Variants in ZER1 observed in about 807,000 individuals in gnomAD.
ZER1 encodes the protein zyg-11 related cell cycle regulator.
ZER1 carries 11 observed loss-of-function variants against 78.8 expected under a neutral mutation model. The ratio of observed to expected loss-of-function variants is 0.14; its 90% CI spans 0.09 to 0.23. The LOEUF (loss-of-function observed/expected upper bound fraction) is 0.23, where lower values mean the gene tolerates loss of function less well. Ranked by LOEUF, ZER1 falls within the 10% of genes least tolerant of loss-of-function variation. ZER1 has a pLI of 1.00. For missense variants in ZER1, 588 were observed against 996.9 expected (o/e 0.59, Z 5.52); for synonymous variants, 400 against 407.0 (o/e 0.98, Z 0.21).
chr9:128,755,569 G>T lies in ZER1; in HGVS notation c.-4C>A. 1 of 1,610,122 alleles carries T rather than the reference G, an allele frequency of 6.2e-7. No individual in the cohort carries two copies. Among genetic ancestry groups the T allele is most frequent in the Non-Finnish European group, 8.5e-7 (1 of 1,176,742 alleles). On this transcript the variant is annotated 5_prime_UTR_variant, in exon 2 of 16. Transcript: ENST00000291900. This position sits in a 1 kb window ranked among gnomAD's most constrained non-coding sequence, Gnocchi z 5.6. ...ACTCGGGAGTGTCGGACGCCATGCTGGGGGCAAGCAGGTGGGCCACTCCAG... is the reference window on the plus strand; with the variant it reads ...ACTCGGGAGTGTCGGACGCCATGCTTGGGGCAAGCAGGTGGGCCACTCCAG...
At chr9:128,770,000 C>G (rs1864333723) in intron 1 of ZER1, among the ~76,000 whole-genome samples, 1 of 152,086 alleles carries the variant, frequency 6.6e-6, no homozygotes, top group Non-Finnish European at 1.5e-5. Context: ...ACCCTGTGAC[C>G]CTGTATCACA....
chr9:128,753,120 G>A lies in ZER1; in HGVS notation c.746+44C>T, dbSNP rs1458017929. 1 of 1,481,076 alleles carries A rather than the reference G, an allele frequency of 6.8e-7. No individual in the cohort carries two copies. Among genetic ancestry groups the A allele is most frequent in the South Asian group, 1.3e-5 (1 of 75,308 alleles). The allele number at this position is 1,481,076 out of a possible 1,614,324, so 91.7% of individuals were successfully genotyped here. On this transcript the variant is annotated intron_variant, in intron 4 of 15. Transcript: ENST00000291900. The surrounding 1 kb of genome is among the most constrained non-coding windows in gnomAD (Gnocchi z 7.5). ...CACCCACCTCTACTCCTCCCCACCT[G>A]CCCCCCAAACCCCACCCTGGTGAGC... is the stretch of plus-strand genomic sequence containing the variant.
intron 15 of ZER1, among the ~76,000 whole-genome samples, chr9:128,731,981 C>A (rs1293413724): frequency 1.3e-5 from 2 of 152,238 alleles, no homozygotes; most frequent in Non-Finnish European, 2.9e-5. Context: ...TTGGTTGTCA[C>A]CTTGGACCCC....
rs1260081166 is a variant in ZER1 at position 128,754,871 on chromosome 9, G to T, written c.158+537C>A. Among the ~76,000 whole-genome samples the T allele has an allele frequency of 2.0e-5, 3 of 152,128 alleles. No homozygotes were observed. Among genetic ancestry groups the T allele is most frequent in the Admixed American group, 2.0e-4 (3 of 15,264 alleles). On this transcript the variant is annotated intron_variant, in intron 2 of 15. Transcript: ENST00000291900. This position sits in a 1 kb window ranked among gnomAD's most constrained non-coding sequence, Gnocchi z 4.3. ...ACTCCCAGCATTCAGTGACTGCATA[G>T]CATGCTTCTAGGAGCCCCTAGGAGT...
intron 1 of ZER1, among the ~76,000 whole-genome samples, chr9:128,767,422 T>G (rs1450014165): frequency 6.6e-6 from 1 of 151,902 alleles, no homozygotes; most frequent in Non-Finnish European, 1.5e-5. Flanking sequence ...ATTTTTTTAT[T>G]TTTTGTAGCG....
At chr9:128,736,622 C>T (rs917211819) in intron 13 of ZER1, among the ~76,000 whole-genome samples, 8 of 151,088 alleles carry the variant, frequency 5.3e-5, no homozygotes, top group African/African-American at 1.7e-4. Flanking sequence ...GACCACCCGC[C>T]TTGGCCTCCC....
chr9:128,737,037 G>C (rs1238579669), intron 13 of ZER1, among the ~76,000 whole-genome samples: 1 of 151,986 alleles, frequency 6.6e-6, no homozygotes, highest in Non-Finnish European at 1.5e-5. Flanking sequence ...CCAGCTACTC[G>C]GGAGGCTGAG....
chr9:128,758,693 G>A (rs1031509721), intron 1 of ZER1, among the ~76,000 whole-genome samples: 5 of 151,886 alleles, frequency 3.3e-5, no homozygotes, highest in Non-Finnish European at 5.9e-5. Context: ...GCTTACCCCC[G>A]CCTCCCAAAG....
chr9:128,733,217 C>A, intron 15 of ZER1: 2 of 508,488 alleles, frequency 3.9e-6, no homozygotes, highest in Non-Finnish European at 3.6e-6. Context: ...TGCTCCGTTC[C>A]GAGCTTGGTC....
chr9:128,735,083 C>T (rs543506558), intron 14 of ZER1, among the ~76,000 whole-genome samples: 8 of 152,220 alleles, frequency 5.3e-5, no homozygotes, highest in Non-Finnish European at 8.8e-5. Context: ...CACATGGAAG[C>T]GGGAAGCATT....
In ZER1 at chr9:128,734,144, A is replaced by AATATATAT. The variant is rs1220785593; in HGVS notation, c.2141-624_2141-617dup. ...CTCCGTCTCAAAAAAAAAAAAAAAA[A>AATATATAT]ATATATATATATATATATAAAATCT... On this transcript the variant is annotated intron_variant, in intron 14 of 15. Transcript: ENST00000291900. Among the ~76,000 whole-genome samples the AATATATAT allele has an allele frequency of 8.9e-3, 128 of 14,410 alleles. 3 individuals carry two copies. The highest frequency in any genetic ancestry group is 0.023 in the African/African-American group (125 of 5,326). The allele number at this position is 14,410 out of a possible 152,430, so 9.5% of individuals were successfully genotyped here.
In ZER1 at chr9:128,731,350, T is replaced by C. The variant is rs535788342; in HGVS notation, c.2288A>G (p.Asp763Gly). The change falls in exon 16 of 16, where the codon GAC becomes GGC. Residue 763 changes from aspartate (D) to glycine (G), a missense_variant. By Grantham distance (94) the Asp-to-Gly change is moderately conservative (BLOSUM62 -1). Transcript: ENST00000291900. ...HCSNFKEENM[D>G]TSR ...GGACGGAGGCCTCTATCTAGACGTG[T>C]CCATGTTCTCCTCTTTAAAGTTACT... 23 of 1,562,218 alleles carry C rather than the reference T, an allele frequency of 1.5e-5. No individual in the cohort carries two copies. The South Asian group carries it at 1.9e-4, about 13-fold the overall frequency.
In ZER1 at chr9:128,753,097, C is replaced by G; in HGVS notation, c.746+67G>C. 5.6e-6 allele frequency: 8 copies of G among 1,436,788 alleles called. No homozygotes were observed. The highest frequency in any genetic ancestry group is 7.4e-6 in the Non-Finnish European group (8 of 1,085,162). The allele number at this position is 1,436,788 out of a possible 1,614,324, so 89.0% of individuals were successfully genotyped here. A position where few individuals can be genotyped will look rare whatever the true frequency, so the allele number is the denominator to read the frequency against. On this transcript the variant is annotated intron_variant, in intron 4 of 15. Coordinates refer to ENST00000291900, the MANE Select transcript of ZER1 (RefSeq NM_006336.4). This position sits in a 1 kb window ranked among gnomAD's most constrained non-coding sequence, Gnocchi z 7.5. Reference sequence around the variant, plus strand: ...CCTGAACCCTGAGGGCGTGACAACACCCACCTCTACTCCTCCCCACCTGCC... The same window carrying G: ...CCTGAACCCTGAGGGCGTGACAACAGCCACCTCTACTCCTCCCCACCTGCC...
At position 128,769,450 on chromosome 9, in the gene ZER1, G is replaced by A. The variant is rs536682330; in HGVS notation, c.-95+2131C>T. Among the ~76,000 whole-genome samples the A allele has an allele frequency of 1.4e-3, 208 of 147,068 alleles. 1 individual carries two copies. Among genetic ancestry groups the A allele is most frequent in the Non-Finnish European group, 2.4e-3 (161 of 67,248 alleles). ...TTTGAGATGGAGTTTCGCTCCTGTC[G>A]CCCAGGCTGGAGTGCTGCAGTGGCA... On this transcript the variant is annotated intron_variant, in intron 1 of 15. Coordinates refer to ENST00000291900, the MANE Select transcript of ZER1 (RefSeq NM_006336.4).
intron 1 of ZER1, among the ~76,000 whole-genome samples, chr9:128,758,118 T>C (rs1346812587): frequency 6.6e-6 from 1 of 150,836 alleles, no homozygotes; most frequent in African/African-American, 2.4e-5. Flanking sequence ...ATTTTTAGTT[T>C]AGGTTTTTTT....
At chr9:128,758,440 T>C (rs1024189329) in intron 1 of ZER1, among the ~76,000 whole-genome samples, 1 of 149,676 alleles carries the variant, frequency 6.7e-6, no homozygotes, top group South Asian at 2.1e-4. Flanking sequence ...TTTTTAATTT[T>C]TGAGATAGAA....
intron 1 of ZER1, among the ~76,000 whole-genome samples, chr9:128,758,590 TC>T (rs1328247098): frequency 1.3e-5 from 2 of 151,934 alleles, no homozygotes; most frequent in African/African-American, 4.8e-5. Flanking sequence ...GGCTAATCTT[TC>T]TGGTTTCTTT....
intron 1 of ZER1, among the ~76,000 whole-genome samples, chr9:128,757,392 T>C (rs1216892958): frequency 2.6e-5 from 4 of 151,924 alleles, no homozygotes; most frequent in African/African-American, 9.7e-5. Context: ...CACGGTGCCA[T>C]GTGCCTGTAG....
chr9:128,762,098 T>C (rs1287828220), intron 1 of ZER1, among the ~76,000 whole-genome samples: 2 of 151,660 alleles, frequency 1.3e-5, no homozygotes, highest in Non-Finnish European at 2.9e-5. Context: ...TAAAACATTA[T>C]GACATTTATG....
Sources: gnomAD v4.1 joint callset for allele counts (sites outside exome capture counted in the v4.1 genomes callset) on GRCh38, gnomAD v4.1.1 for gene constraint, Gnocchi (gnomAD v3.1) non-coding constraint, MANE v1.5 for transcripts, NCBI Gene and HGNC (gene_info 2026-07-23, HGNC 2026-07-21) for gene names.